The following DIAPH3 variants were observed in gnomAD, a reference collection of about 807,000 sequenced individuals.
The protein encoded by DIAPH3 is protein diaphanous homolog 3.
In DIAPH3, 117 loss-of-function variants were observed where a neutral mutation model predicts 144.3. That is an observed-to-expected ratio of 0.81 (90% CI 0.70 to 0.95). The LOEUF (loss-of-function observed/expected upper bound fraction) is 0.95. DIAPH3 is among the 40% of genes least tolerant of loss of function. The pLI is 0.00. For synonymous variants in DIAPH3, 519 were observed against 488.9 expected (o/e 1.06, Z -0.81); for missense variants, 1,421 against 1,412.7 (o/e 1.01, Z -0.09).
At position 59,666,522 on chromosome 13, in the gene DIAPH3, G is replaced by A; in HGVS notation, c.*62C>T. 1 of 1,594,376 alleles carries A rather than the reference G, an allele frequency of 6.3e-7. No individual in the cohort carries two copies. The highest frequency in any genetic ancestry group is 2.2e-5 in the East Asian group (1 of 44,704). On this transcript the variant is annotated 3_prime_UTR_variant, in exon 28 of 28. Coordinates refer to ENST00000400324, the MANE Select transcript of DIAPH3 (RefSeq NM_001042517.2). ...TTACATAAAAGCAATTTTTTCAAGT[G>A]TTATAGTTTAGAGCATGGCTTTATA...
Position 59,971,046 on chromosome 13 carries a change from G to A in DIAPH3, c.1765C>T (p.Pro589Ser), listed in dbSNP as rs202202714. Residue 589 changes from proline (P) to serine (S), a missense_variant, in exon 16 of 28, where the codon CCT (proline) becomes TCT (serine). Physicochemically the swap from Pro to Ser is moderately conservative, Grantham distance 74. Transcript: ENST00000400324. ...GGAGGTGGTGGGGGAGGAGGTGGAG[G>A]CGGCACCCCTCCACCAGAAGGCAGT... ...PPLPSGGGVP[P>S]PPPPPPPPPL... is the part of the protein sequence containing the mutation. The A allele has an allele frequency of 4.3e-5, 69 of 1,613,698 alleles. No homozygotes were observed. The highest frequency in any genetic ancestry group is 5.8e-5 in the Non-Finnish European group (68 of 1,179,860).
intron 22 of DIAPH3, among the ~76,000 whole-genome samples, chr13:59,852,748 T>C (rs2043050084): frequency 6.6e-6 from 1 of 152,168 alleles, no homozygotes; most frequent in African/African-American, 2.4e-5. Flanking sequence ...AAATTTGCAG[T>C]CGTTATGTTC....
intron 17 of DIAPH3, among the ~76,000 whole-genome samples, chr13:59,962,732 A>T (rs1163676620): frequency 6.6e-6 from 1 of 150,640 alleles, no homozygotes. Context: ...ACACATTTAC[A>T]CTCCAGCATC....
intron 1 of DIAPH3, among the ~76,000 whole-genome samples, chr13:60,159,449 A>C (rs1040717424): frequency 1.3e-5 from 2 of 151,980 alleles, no homozygotes; most frequent in African/African-American, 4.8e-5. Flanking sequence ...AACATGGTGA[A>C]GCCTCATCTC....
chr13:60,036,280 G>A (rs76671804), intron 5 of DIAPH3, among the ~76,000 whole-genome samples: 2,407 of 152,294 alleles, frequency 0.016, 66 homozygotes, highest in East Asian at 0.1. Context: ...TATCAAAGAA[G>A]TGGATATGCA....
intron 1 of DIAPH3, among the ~76,000 whole-genome samples, chr13:60,152,280 T>C (rs1409866635): frequency 1.3e-5 from 2 of 152,150 alleles, no homozygotes; most frequent in Non-Finnish European, 2.9e-5. Context: ...TTCAGTCTTC[T>C]TTAATTCAAG....
At chr13:60,072,707 A>G (rs1594584941) in intron 4 of DIAPH3, among the ~76,000 whole-genome samples, 1 of 152,216 alleles carries the variant, frequency 6.6e-6, no homozygotes, top group South Asian at 2.1e-4. Flanking sequence ...CATTATTGAA[A>G]AAAAGGAGAA....
chr13:59,752,664 A>C (rs768543642), intron 27 of DIAPH3, among the ~76,000 whole-genome samples: 12 of 152,170 alleles, frequency 7.9e-5, no homozygotes, highest in Non-Finnish European at 1.8e-4. Context: ...CACTGCACCC[A>C]GCTAATGTAG....
rs557544657 is a variant in DIAPH3, at chr13:59,764,001, C to A, written c.3319+10188G>T. Among the ~76,000 whole-genome samples the A allele has an allele frequency of 2.3e-3, 348 of 151,878 alleles. 5 individuals are homozygous for A. The highest frequency in any genetic ancestry group is 6.8e-3 in the Middle Eastern group (2 of 294). The stretch of plus-strand genomic sequence containing the variant: ...TGTTCTCTAGACTGTTCATTATATC[C>A]AGAGATGTATTCTGTCATCTGCTTG... On this transcript the variant is annotated intron_variant, in intron 27 of 27. Coordinates refer to ENST00000400324, the MANE Select transcript of DIAPH3 (RefSeq NM_001042517.2).
chr13:59,769,616 G>A (rs1474328846), intron 27 of DIAPH3, among the ~76,000 whole-genome samples: 1 of 151,490 alleles, frequency 6.6e-6, no homozygotes, highest in Non-Finnish European at 1.5e-5. Flanking sequence ...ATTCATACTG[G>A]CATATAGGTT....
At chr13:59,783,252 G>A (rs551702381) in intron 25 of DIAPH3, among the ~76,000 whole-genome samples, 1 of 152,114 alleles carries the variant, frequency 6.6e-6, no homozygotes, top group African/African-American at 2.4e-5. Flanking sequence ...CTTGGTATCC[G>A]TGGTTGTGAA....
chr13:59,807,773 A>T (rs1007527879), intron 25 of DIAPH3, among the ~76,000 whole-genome samples: 4 of 152,190 alleles, frequency 2.6e-5, no homozygotes, highest in South Asian at 2.1e-4. Context: ...AGGTCAAATA[A>T]GATGAGCTCT....
intron 27 of DIAPH3, among the ~76,000 whole-genome samples, chr13:59,673,156 A>G (rs2032469708): frequency 6.6e-6 from 1 of 152,230 alleles, no homozygotes. Context: ...TAAAGAGAAC[A>G]GTAACGTAAA....
At chr13:59,920,087 T>A (rs558422176) in intron 18 of DIAPH3, among the ~76,000 whole-genome samples, 49 of 151,910 alleles carry the variant, frequency 3.2e-4, no homozygotes, top group Non-Finnish European at 5.3e-4. Flanking sequence ...AACATACTAT[T>A]AGAGAATAAT....
intron 25 of DIAPH3, among the ~76,000 whole-genome samples, chr13:59,807,387 A>G: frequency 6.6e-6 from 1 of 152,240 alleles, no homozygotes; most frequent in Middle Eastern, 3.4e-3. Context: ...CGTTTTTAAA[A>G]GACAAAGTCT....
intron 25 of DIAPH3, among the ~76,000 whole-genome samples, chr13:59,799,899 T>A (rs554179898): frequency 1.3e-3 from 199 of 152,338 alleles, no homozygotes; most frequent in African/African-American, 4.6e-3. Flanking sequence ...AACTGAAGTA[T>A]CATTTAAAAT....
At chr13:59,868,291 T>G (rs1458565872) in intron 21 of DIAPH3, among the ~76,000 whole-genome samples, 15 of 152,166 alleles carry the variant, frequency 9.9e-5, no homozygotes, top group Admixed American at 9.8e-4. Context: ...TGGGAACAAT[T>G]AACAAAAATT....
At chr13:59,672,426 C>T (rs898599779) in intron 27 of DIAPH3, among the ~76,000 whole-genome samples, 20 of 152,250 alleles carry the variant, frequency 1.3e-4, no homozygotes, top group South Asian at 4.1e-4. Context: ...ATTCAGTGTT[C>T]CTGAAATTTG....
chr13:59,980,632 T>C (rs551916141), intron 14 of DIAPH3, among the ~76,000 whole-genome samples, 163 bp downstream of exon 14: 172 of 151,598 alleles, frequency 1.1e-3, no homozygotes, highest in Non-Finnish European at 2.1e-3. Flanking sequence ...AGTGGGGAGT[T>C]AAGACTTTTT....
Sources: allele counts gnomAD v4.1 joint callset (sites outside exome capture counted in the v4.1 genomes callset), GRCh38; gene constraint gnomAD v4.1.1; transcripts MANE v1.5; gene names NCBI Gene and HGNC (gene_info 2026-07-23, HGNC 2026-07-21).